CFAP410: variants seen among roughly 807,000 people sequenced by gnomAD.
The protein encoded by CFAP410 is cilia- and flagella-associated protein 410.
Under a neutral mutation model 25.7 loss-of-function variants are expected in CFAP410, and 27 were observed. The ratio of observed to expected loss-of-function variants is 1.05; its 90% CI spans 0.77 to 1.45. The LOEUF is 1.45. CFAP410 is among the 40% of genes most tolerant of loss of function. The probability of loss-of-function intolerance (pLI) is 0.00; values close to 1 mark genes in which losing one functional copy is unlikely to be tolerated. For missense variants in CFAP410, 428 were observed against 354.1 expected (o/e 1.21, Z -1.67); for synonymous variants, 178 against 158.4 (o/e 1.12, Z -0.93).
intron 3 of CFAP410, chr21:44,335,202 C>T (rs1475541185): frequency 6.4e-6 from 1 of 155,050 alleles, no homozygotes; most frequent in Non-Finnish European, 1.4e-5. Context: ...TCCCCAGAGC[C>T]CCCAAATACA....
intron 3 of CFAP410, 115 bp downstream of exon 3, chr21:44,335,643 A>AG: frequency 2.5e-6 from 2 of 801,540 alleles, no homozygotes; most frequent in Non-Finnish European, 4.1e-6. Flanking sequence ...AGCCGCCCTC[A>AG]GTCTGTGTTG....
At chr21:44,330,680 G>A (rs1398437263) in intron 6 of CFAP410, 143 bp downstream of exon 6, 2 of 1,548,202 alleles carry the variant, frequency 1.3e-6, no homozygotes, top group Admixed American at 2.0e-5. Flanking sequence ...GCTCCCCCTG[G>A]GGCACAGCTC....
At chr21:44,332,066 C>T (rs1213195605) in intron 4 of CFAP410, 52 bp from the exon 5 acceptor site, 2 of 1,458,590 alleles carry the variant, frequency 1.4e-6, no homozygotes, top group Middle Eastern at 3.5e-4. Context: ...CACGTGCAGG[C>T]CACATGCACT....
In CFAP410 at chr21:44,329,688, C is replaced by T. The variant is rs1438936170; in HGVS notation, c.*510G>A. The T allele has an allele frequency of 6.5e-6, 1 of 153,408 alleles. No individual in the cohort carries two copies. The highest frequency in any genetic ancestry group is 2.4e-5 in the African/African-American group (1 of 41,492). 9.5% of individuals were successfully genotyped at this position (153,408 alleles called of 1,614,324 possible). ...TCCCATGGGTGCGGGAGGCTGCTGCCTGCCTGCTGAGCAGCTCAGGGCAGA... is the reference window on the plus strand; with the variant it reads ...TCCCATGGGTGCGGGAGGCTGCTGCTTGCCTGCTGAGCAGCTCAGGGCAGA... On this transcript the variant is annotated 3_prime_UTR_variant, in exon 7 of 7. Coordinates refer to ENST00000339818, the MANE Select transcript of CFAP410 (RefSeq NM_004928.3).
rs1341824734 is a variant in CFAP410 at position 44,330,916 on chromosome 21, G to A, written c.549C>T (p.Ser183=). 15 of 1,588,124 alleles carry A rather than the reference G, an allele frequency of 9.4e-6. No individual in the cohort carries two copies. The highest frequency in any genetic ancestry group is 1.7e-5 in the Admixed American group (1 of 58,124). The part of the protein sequence containing the change: ...DPLDSEEEAT[S]GAQDERGLKP... ...TCAGGCCACGTTCATCCTGGGCGCC[G>A]CTGCTGAGAGGGAGACAAAGGCGTG... The change falls in exon 6 of 7, where the codon AGC becomes AGT. Residue 183 remains serine (S), a synonymous_variant. Transcript: ENST00000339818.
chr21:44,330,900 G>A lies in CFAP410; in HGVS notation c.565C>T (p.Arg189Cys), dbSNP rs372992486. The A allele has an allele frequency of 1.0e-5, 16 of 1,599,022 alleles. No individual in the cohort carries two copies. The highest frequency in any genetic ancestry group is 8.9e-5 in the South Asian group (8 of 89,706). The change falls in exon 6 of 7, where the codon CGT (arginine) becomes TGT (cysteine). Residue 189 changes from arginine to cysteine, a missense_variant. Arg to Cys is a radical substitution (Grantham distance 180). Coordinates refer to ENST00000339818, the MANE Select transcript of CFAP410 (RefSeq NM_004928.3). ...EEATSGAQDERGLKPPSRGQF... is the reference protein window; with the variant it reads ...EEATSGAQDECGLKPPSRGQF... Reference sequence around the variant, plus strand: ...CCCCGGGAAGGCGGCTTCAGGCCACGTTCATCCTGGGCGCCGCTGCTGAGA... The same window carrying A: ...CCCCGGGAAGGCGGCTTCAGGCCACATTCATCCTGGGCGCCGCTGCTGAGA...
At chr21:44,334,688 GC>G (rs2047721415) in intron 3 of CFAP410, 1 of 253,996 alleles carries the variant, frequency 3.9e-6, no homozygotes, top group Admixed American at 5.2e-5. Context: ...CCCAAGGTTA[GC>G]CAGCCAATAG....
In CFAP410 at chr21:44,330,949, CAG is replaced by C. The variant is rs767703669; in HGVS notation, c.546-32_546-31del. 3.4e-5 allele frequency: 53 copies of C among 1,540,314 alleles called. No individual in the cohort carries two copies. In the Middle Eastern group the frequency reaches 5.2e-4, roughly 15 times the overall value. The stretch of plus-strand genomic sequence containing the variant: ...GAGGGAGACAAAGGCGTGTGAGGGT[CAG>C]GGGGCTCGTGGCACCGGGGGGGCCT... On this transcript the variant is annotated intron_variant, in intron 5 of 6. Coordinates refer to ENST00000339818, the MANE Select transcript of CFAP410 (RefSeq NM_004928.3).
At chr21:44,335,903 A>G in intron 2 of CFAP410, 99 bp from the exon 3 acceptor site, 1 of 908,356 alleles carries the variant, frequency 1.1e-6, no homozygotes, top group East Asian at 2.6e-5. Context: ...CGGCCAACCC[A>G]CTTCCGGGGC....
At position 44,330,509 on chromosome 21, in the gene CFAP410, G is replaced by A. The variant is rs780705668; in HGVS notation, c.643-183C>T. ...GCAGAGGAGCCCCGCCTGTGGACGC[G>A]TGTGTGGCACCTCTTCCACGTGACT... On this transcript the variant is annotated intron_variant, in intron 6 of 6. Coordinates refer to ENST00000339818, the MANE Select transcript of CFAP410 (RefSeq NM_004928.3). The A allele has an allele frequency of 3.2e-5, 50 of 1,546,098 alleles. No individual in the cohort carries two copies. In the East Asian group the frequency reaches 4.4e-4, roughly 14 times the overall value.
chr21:44,332,589 A>T, intron 4 of CFAP410: 1 of 173,428 alleles, frequency 5.8e-6, no homozygotes, highest in Non-Finnish European at 1.2e-5. Flanking sequence ...GCCCCTCCCC[A>T]CGGCAGGGGC....
At chr21:44,331,505 C>T (rs1173851199) in intron 5 of CFAP410, 2 of 355,148 alleles carry the variant, frequency 5.6e-6, no homozygotes, top group Non-Finnish European at 1.0e-5. Context: ...ATTCCAGTCA[C>T]TGTGGCCCTA....
At chr21:44,331,382 G>A (rs556301101) in intron 5 of CFAP410, 48 of 243,076 alleles carry the variant, frequency 2.0e-4, no homozygotes, top group Non-Finnish European at 2.9e-4. Context: ...TTCGTGACCC[G>A]CTGCCAACTG....
intron 3 of CFAP410, chr21:44,335,446 G>A (rs1251375412): frequency 9.8e-6 from 4 of 408,026 alleles, no homozygotes; most frequent in African/African-American, 4.1e-5. Flanking sequence ...CTCCACCACC[G>A]ACTGGCCCAG....
chr21:44,332,960 G>C (rs2047678766), intron 4 of CFAP410, 73 bp downstream of exon 4: 1 of 1,032,130 alleles, frequency 9.7e-7, no homozygotes, highest in Admixed American at 2.3e-5. Flanking sequence ...AAGGAGAAGA[G>C]AAAAGAGGGC....
At chr21:44,335,642 C>CG in intron 3 of CFAP410, 116 bp downstream of exon 3, 2 of 799,400 alleles carry the variant, frequency 2.5e-6, no homozygotes, top group Non-Finnish European at 4.1e-6. Flanking sequence ...AAGCCGCCCT[C>CG]AGTCTGTGTT....
In CFAP410 at chr21:44,333,689, C is replaced by G. The variant is rs538994908; in HGVS notation, c.144-427G>C. 20 of 303,830 alleles carry G rather than the reference C, an allele frequency of 6.6e-5. No homozygotes were observed. The South Asian group carries it at 7.0e-4, about 11-fold the overall frequency. The allele number at this position is 303,830 out of a possible 1,614,324, so 18.8% of individuals were successfully genotyped here. A position where few individuals can be genotyped will look rare whatever the true frequency, so the allele number is the denominator to read the frequency against. ...GCTCCACGTGACATGGGAGTGAGCA[C>G]GGACCTTCCAAACCCCCACTTGAGG... is the stretch of plus-strand genomic sequence containing the variant. On this transcript the variant is annotated intron_variant, in intron 3 of 6. Transcript: ENST00000339818.
chr21:44,333,199 C>T lies in CFAP410; in HGVS notation c.207G>A (p.Leu69=). 1 of 1,612,988 alleles carries T rather than the reference C, an allele frequency of 6.2e-7. No individual in the cohort carries two copies. The highest frequency in any genetic ancestry group is 8.5e-7 in the Non-Finnish European group (1 of 1,179,966). Residue 69 remains leucine, a synonymous_variant, in exon 4 of 7, where the codon CTG becomes CTA. Transcript: ENST00000339818. The part of the protein sequence containing the change: ...SRCQRLSELY[L]RRNRIPSLAE... ...CCAGGCTGGGGATGCGGTTCCTCCG[C>T]AGGTACAGCTCACTCAGGCGCTGGC...
At chr21:44,330,435 G>C (rs755475533) in intron 6 of CFAP410, 109 bp from the exon 7 acceptor site, 1 of 1,546,604 alleles carries the variant, frequency 6.5e-7, no homozygotes, top group Non-Finnish European at 8.8e-7. Context: ...GACTGGTCCC[G>C]GGGGTGTGGG....
Sources: allele counts gnomAD v4.1 joint callset, GRCh38; gene constraint gnomAD v4.1.1; transcripts MANE v1.5; gene names NCBI Gene and HGNC (gene_info 2026-07-23, HGNC 2026-07-21).